Variants in DAAM1 observed in about 807,000 individuals in gnomAD.
DAAM1 encodes the protein disheveled-associated activator of morphogenesis 1.
A neutral mutation model predicts 130.0 loss-of-function variants in DAAM1; 52 were observed. The observed-to-expected ratio is 0.40, with a 90% CI of 0.32 to 0.50. The LOEUF (loss-of-function observed/expected upper bound fraction) is 0.50, where lower values mean the gene tolerates loss of function less well. Among genes scored for constraint, DAAM1 ranks in the 20% least tolerant of loss-of-function variants. The pLI is 0.61. For synonymous variants in DAAM1, 452 were observed against 444.5 expected, an observed-to-expected ratio of 1.02 and a Z score of -0.21; for missense variants, 1,134 against 1,303.8, an observed-to-expected ratio of 0.87 and a Z score of 2.01.
intron 23 of DAAM1, 21 bp downstream of exon 23, chr14:59,363,803 C>G (rs779157885): frequency 1.9e-6 from 3 of 1,612,286 alleles, no homozygotes; most frequent in East Asian, 2.2e-5. Context: ...CCCTTGTGCA[C>G]TGAGTGTTGT....
chr14:59,354,364 G>A (rs1348804010), intron 19 of DAAM1, among the ~76,000 whole-genome samples: 1 of 152,102 alleles, frequency 6.6e-6, no homozygotes, highest in Non-Finnish European at 1.5e-5. Context: ...CTGGCCTGGT[G>A]ATTTTTTATT....
intron 2 of DAAM1, among the ~76,000 whole-genome samples, chr14:59,290,825 A>G (rs1883710571): frequency 6.6e-6 from 1 of 152,140 alleles, no homozygotes. Flanking sequence ...AGTGTTTGTG[A>G]AGCCATCCCC....
intron 1 of DAAM1, among the ~76,000 whole-genome samples, chr14:59,203,458 T>A (rs902532776): frequency 6.6e-6 from 1 of 152,196 alleles, no homozygotes; most frequent in Non-Finnish European, 1.5e-5. Flanking sequence ...TTTAAAAGAA[T>A]CAGACTAAGT....
rs1451804280 is a variant in DAAM1, at chr14:59,362,621, G to T, written c.2695-1030G>T. 7 of 140,642 alleles carry T rather than the reference G, an allele frequency of 5.0e-5. No homozygotes were observed. The East Asian group carries it at 1.5e-3, about 30-fold the overall frequency. 8.7% of individuals were successfully genotyped at this position (140,642 alleles called of 1,614,324 possible). On this transcript the variant is annotated intron_variant, in intron 22 of 24. Transcript: ENST00000360909. Reference sequence around the variant, plus strand: ...TTCATTTGAGTGTAGTGATGATGTGGATGTTGCCCTCTTACAAAAAAAAAA... The same window carrying T: ...TTCATTTGAGTGTAGTGATGATGTGTATGTTGCCCTCTTACAAAAAAAAAA...
intron 15 of DAAM1, among the ~76,000 whole-genome samples, chr14:59,338,085 G>A (rs1885697692): frequency 6.6e-6 from 1 of 152,100 alleles, no homozygotes; most frequent in South Asian, 2.1e-4. Context: ...CCCAGCTTGG[G>A]TCTTTCTCAG....
In DAAM1 at chr14:59,320,545, T is replaced by C. The variant is rs1340336596; in HGVS notation, c.401T>C (p.Ile134Thr). Reference protein sequence around the residue: ...KEEEEERSKTIESLKTALRTK... With the variant: ...KEEEEERSKTTESLKTALRTK... ...GAAGAAGAAGAAAGAAGTAAAACTA[T>C]AGAGAGTTTAAAGACAGCACTGAGG... The change falls in exon 5 of 25, where the codon ATA becomes ACA. Residue 134 changes from isoleucine (I) to threonine (T), a missense_variant. By Grantham distance (89) the Ile-to-Thr change is moderately conservative. Transcript: ENST00000360909. The C allele has an allele frequency of 4.4e-6, 7 of 1,605,332 alleles. No homozygotes were observed. The highest frequency in any genetic ancestry group is 1.3e-5 in the African/African-American group (1 of 74,150).
intron 1 of DAAM1, among the ~76,000 whole-genome samples, chr14:59,261,285 T>A (rs1049877627): frequency 1.3e-5 from 2 of 152,230 alleles, no homozygotes; most frequent in African/African-American, 4.8e-5. Flanking sequence ...ACTGGCATAT[T>A]ACCTTTATTA....
intron 12 of DAAM1, among the ~76,000 whole-genome samples, chr14:59,328,844 TAG>T (rs752485884): frequency 6.6e-6 from 1 of 152,082 alleles, no homozygotes; most frequent in Non-Finnish European, 1.5e-5. Flanking sequence ...AAATGATGGG[TAG>T]AGTCTAAAAG....
intron 16 of DAAM1, among the ~76,000 whole-genome samples, chr14:59,341,674 CAT>C (rs1885854750): frequency 6.6e-6 from 1 of 152,200 alleles, no homozygotes; most frequent in African/African-American, 2.4e-5. Flanking sequence ...GGTCATGGAA[CAT>C]ATTCCCCTCC....
intron 5 of DAAM1, among the ~76,000 whole-genome samples, chr14:59,321,724 A>G (rs10136535): frequency 0.23 from 35,369 of 152,180 alleles, 4,306 homozygotes; most frequent in East Asian, 0.33. Flanking sequence ...TTATTTGACT[A>G]TAAAATGCAA....
At position 59,370,144 on chromosome 14, in the gene DAAM1, C is replaced by CTTTTTTTTTTTTTTTGTTTTTTTTTTT. The variant is rs1887103578; in HGVS notation, c.*1300_*1301insGTTTTTTTTTTTTTTTTTTTTTTTTTT. The CTTTTTTTTTTTTTTTGTTTTTTTTTTT allele has an allele frequency of 1.0e-5, 1 of 95,400 alleles. No homozygotes were observed. 5.9% of individuals were successfully genotyped at this position (95,400 alleles called of 1,614,324 possible). A position where few individuals can be genotyped will look rare whatever the true frequency, so the allele number is the denominator to read the frequency against. On this transcript the variant is annotated 3_prime_UTR_variant, in exon 25 of 25. Transcript: ENST00000360909. ...TATAAAGAGGACTGTTACTTTTTTA[C>CTTTTTTTTTTTTTTTGTTTTTTTTTTT]TTTTTTTTTTTTTTTTTTTTTTTTT...
chr14:59,349,860 A>G (rs1326807336), intron 17 of DAAM1, among the ~76,000 whole-genome samples: 3 of 152,124 alleles, frequency 2.0e-5, no homozygotes, highest in Non-Finnish European at 2.9e-5. Flanking sequence ...AACAAAAGAG[A>G]TGTAGTGACT....
chr14:59,321,333 T>A (rs1884999008), intron 5 of DAAM1, among the ~76,000 whole-genome samples: 1 of 152,206 alleles, frequency 6.6e-6, no homozygotes, highest in Non-Finnish European at 1.5e-5. Flanking sequence ...TCTCTTTGGG[T>A]GATTAAACTG....
chr14:59,295,844 G>A (rs1326008319), intron 3 of DAAM1, among the ~76,000 whole-genome samples: 1 of 152,150 alleles, frequency 6.6e-6, no homozygotes, highest in East Asian at 1.9e-4. Flanking sequence ...GATGTGAGAG[G>A]GAAGAGAAGT....
intron 1 of DAAM1, among the ~76,000 whole-genome samples, chr14:59,229,533 A>C (rs1889041285): frequency 6.6e-6 from 1 of 152,182 alleles, no homozygotes; most frequent in Non-Finnish European, 1.5e-5. Flanking sequence ...ACAAGATTAA[A>C]ATGAAGACCC....
chr14:59,354,011 C>T (rs1285261370), intron 19 of DAAM1, 47 bp downstream of exon 19: 1 of 1,578,542 alleles, frequency 6.3e-7, no homozygotes, highest in South Asian at 1.1e-5. Context: ...TCATTACAAC[C>T]CATTTAAAAG....
intron 2 of DAAM1, among the ~76,000 whole-genome samples, chr14:59,270,921 T>C (rs1054288215): frequency 6.6e-6 from 1 of 152,208 alleles, no homozygotes; most frequent in Non-Finnish European, 1.5e-5. Flanking sequence ...CAAGTCTGGT[T>C]ATTATTTTTG....
At chr14:59,337,351 C>T (rs192291226) in intron 15 of DAAM1, among the ~76,000 whole-genome samples, 1 of 152,136 alleles carries the variant, frequency 6.6e-6, no homozygotes, top group South Asian at 2.1e-4. Flanking sequence ...GAAAAGCAGT[C>T]CCCCCTTGTA....
chr14:59,328,288 A>C (rs535793377), intron 12 of DAAM1, among the ~76,000 whole-genome samples: 4 of 152,374 alleles, frequency 2.6e-5, no homozygotes, highest in African/African-American at 9.6e-5. Flanking sequence ...GACATTGCAC[A>C]TGCATTTTAA....
Sources: allele counts gnomAD v4.1 joint callset (sites outside exome capture counted in the v4.1 genomes callset), GRCh38; gene constraint gnomAD v4.1.1; transcripts MANE v1.5; gene names NCBI Gene and HGNC (gene_info 2026-07-23, HGNC 2026-07-21).